Variants in RANBP2 observed in about 807,000 individuals in gnomAD.
RANBP2 encodes RAN binding protein 2, also known as E3 SUMO-protein ligase RanBP2.
Under a neutral mutation model 303.6 loss-of-function variants are expected in RANBP2, and 57 were observed. That is an observed-to-expected ratio of 0.19 (90% CI 0.15 to 0.23). The LOEUF (loss-of-function observed/expected upper bound fraction) is 0.23. Among genes scored for constraint, RANBP2 ranks in the 10% least tolerant of loss-of-function variants. The probability of loss-of-function intolerance (pLI) is 1.00; values close to 1 mark genes in which losing one functional copy is unlikely to be tolerated. For synonymous variants in RANBP2, 1,167 were observed against 1,301.5 expected (o/e 0.90, Z 2.23); for missense variants, 3,138 against 3,780.8 (o/e 0.83, Z 4.46).
the RANBP2 span, among the ~76,000 whole-genome samples, chr2:108,965,342 G>C: frequency 6.6e-6 from 1 of 152,018 alleles, no homozygotes; most frequent in Non-Finnish European, 1.5e-5. Context: ...TTAGCTGGGC[G>C]TGGTGGTGGG....
intron 17 of RANBP2, among the ~76,000 whole-genome samples, chr2:108,757,538 G>A (rs1159972582): frequency 1.3e-5 from 2 of 152,174 alleles, no homozygotes; most frequent in African/African-American, 4.8e-5. Context: ...ATTCTCTGCA[G>A]CTACTACTTT....
the RANBP2 span, among the ~76,000 whole-genome samples, chr2:108,862,106 T>C: frequency 6.6e-6 from 1 of 151,506 alleles, no homozygotes. Flanking sequence ...GTTGAGACTT[T>C]CCTGAGCATG....
the RANBP2 span, among the ~76,000 whole-genome samples, chr2:109,629,339 ATATATATATATATATATTTTT>A: frequency 1.0e-3 from 10 of 9,730 alleles, no homozygotes; most frequent in Middle Eastern, 0.056. Flanking sequence ...ATATATATAT[ATATATATATATATATATTTTT>A]TTTTTTTTTT....
At chr2:109,227,822 C>T in the RANBP2 span, among the ~76,000 whole-genome samples, 1 of 152,236 alleles carries the variant, frequency 6.6e-6, no homozygotes, top group Admixed American at 6.5e-5. Flanking sequence ...CGAATTCCCG[C>T]TCACTCTGGC....
the RANBP2 span, among the ~76,000 whole-genome samples, chr2:109,012,381 C>T: frequency 9.8e-4 from 149 of 152,280 alleles, no homozygotes; most frequent in Non-Finnish European, 1.7e-3. Context: ...TGTCTTCAGG[C>T]GTACCTGGCA....
chr2:109,382,415 T>G, the RANBP2 span, among the ~76,000 whole-genome samples: 1 of 152,106 alleles, frequency 6.6e-6, no homozygotes, highest in African/African-American at 2.4e-5. Flanking sequence ...CCCAGCCCAC[T>G]GGCCACCCAC....
In RANBP2 at chr2:108,764,996, G is replaced by T; in HGVS notation, c.4457G>T (p.Ser1486Ile). ...FSTKEGQWDCSACLVQNEGSS... is the reference protein window; with the variant it reads ...FSTKEGQWDCIACLVQNEGSS... Reference sequence around the variant, plus strand: ...ACAAAGGAAGGACAGTGGGATTGCAGTGCATGTTTGGTACAAAATGAGGGG... The same window carrying T: ...ACAAAGGAAGGACAGTGGGATTGCATTGCATGTTTGGTACAAAATGAGGGG... The change falls in exon 20 of 29, where the codon AGT becomes ATT. Residue 1486 changes from serine (S) to isoleucine (I), a missense_variant. Physicochemically the swap from Ser to Ile is moderately radical, Grantham distance 142 (BLOSUM62 -2). This residue lies in a region of RANBP2 where 388 missense variants were observed against 328.5 expected (regional missense o/e 1.18). Transcript: ENST00000283195. 3 of 1,614,090 alleles carry T rather than the reference G, an allele frequency of 1.9e-6. No individual in the cohort carries two copies. Among genetic ancestry groups the T allele is most frequent in the Non-Finnish European group, 2.5e-6 (3 of 1,179,982 alleles).
At chr2:108,726,266 A>G (rs1451198064) in intron 1 of RANBP2, among the ~76,000 whole-genome samples, 3 of 152,170 alleles carry the variant, frequency 2.0e-5, no homozygotes, top group African/African-American at 4.8e-5. Flanking sequence ...CTAGTTACAT[A>G]CTAGTCATCT....
the RANBP2 span, among the ~76,000 whole-genome samples, chr2:109,685,165 G>A: frequency 2.6e-5 from 4 of 152,132 alleles, no homozygotes; most frequent in African/African-American, 4.8e-5. Flanking sequence ...GAGCCACCGC[G>A]CCCAGCCCTC....
the RANBP2 span, among the ~76,000 whole-genome samples, chr2:109,474,415 G>A: frequency 7.2e-5 from 11 of 152,282 alleles, no homozygotes; most frequent in Admixed American, 5.2e-4. Context: ...CAGAGAAGGA[G>A]GGGCTGTTTC....
At chr2:109,275,715 G>A in the RANBP2 span, among the ~76,000 whole-genome samples, 1 of 152,138 alleles carries the variant, frequency 6.6e-6, no homozygotes, top group Non-Finnish European at 1.5e-5. Context: ...TCCTCATCTC[G>A]CTGTTTGCCG....
chr2:108,807,742 C>T, the RANBP2 span, among the ~76,000 whole-genome samples: 1 of 152,160 alleles, frequency 6.6e-6, no homozygotes, highest in Non-Finnish European at 1.5e-5. Context: ...CTCAGCCTCC[C>T]GAGTATCTGG....
chr2:109,497,716 C>T, the RANBP2 span, among the ~76,000 whole-genome samples: 1 of 152,212 alleles, frequency 6.6e-6, no homozygotes, highest in African/African-American at 2.4e-5. Flanking sequence ...ACGTTAAACA[C>T]TTGTCTCGTA....
the RANBP2 span, among the ~76,000 whole-genome samples, chr2:109,718,043 T>C: frequency 6.6e-6 from 1 of 151,978 alleles, no homozygotes; most frequent in Non-Finnish European, 1.5e-5. Flanking sequence ...TGACAGAAAT[T>C]TAAAAAGATC....
chr2:109,059,786 T>G, the RANBP2 span, among the ~76,000 whole-genome samples: 1 of 151,910 alleles, frequency 6.6e-6, no homozygotes, highest in Non-Finnish European at 1.5e-5. Flanking sequence ...GATCCTGGGA[T>G]GCAGTCAGGC....
the RANBP2 span, chr2:109,615,136 T>C: frequency 2.6e-6 from 4 of 1,549,480 alleles, no homozygotes; most frequent in African/African-American, 5.5e-5. Context: ...TCCCCGCAGC[T>C]GAAGAGGAGC....
the RANBP2 span, among the ~76,000 whole-genome samples, chr2:109,147,559 G>T: frequency 6.6e-6 from 1 of 152,172 alleles, no homozygotes; most frequent in African/African-American, 2.4e-5. Flanking sequence ...TACCGTAAAT[G>T]GTCCAAAAAG....
the RANBP2 span, among the ~76,000 whole-genome samples, chr2:108,815,128 GA>G: frequency 4.6e-5 from 7 of 151,818 alleles, no homozygotes; most frequent in South Asian, 2.1e-4. Context: ...AGATTTCTAG[GA>G]AAAAAATGTT....
At chr2:109,324,949 A>G in the RANBP2 span, among the ~76,000 whole-genome samples, 3,121 of 152,260 alleles carry the variant, frequency 0.02, 117 homozygotes, top group African/African-American at 0.072. Context: ...AGTAATGACT[A>G]GTATAGACAA....
Sources: gnomAD v4.1 joint callset for allele counts (sites outside exome capture counted in the v4.1 genomes callset) on GRCh38, gnomAD v4.1.1 for gene constraint, gnomAD v4.1.1 regional missense constraint, MANE v1.5 for transcripts, NCBI Gene and HGNC (gene_info 2026-07-23, HGNC 2026-07-21) for gene names.